SLC4A1AP: variants seen among roughly 807,000 people sequenced by gnomAD.
SLC4A1AP encodes the protein solute carrier family 4 member 1 adaptor protein, also known as kanadaptin.
In SLC4A1AP, 64 loss-of-function variants were observed where a neutral mutation model predicts 89.7. That is an observed-to-expected ratio of 0.71 (90% CI 0.58 to 0.88). The LOEUF is 0.88. SLC4A1AP is among the 40% of genes least tolerant of loss of function. The pLI, the probability that SLC4A1AP is intolerant of heterozygous loss-of-function variation, is 0.00. For synonymous variants in SLC4A1AP, 366 were observed against 353.3 expected (o/e 1.04, Z -0.40); for missense variants, 931 against 965.0 (o/e 0.96, Z 0.47).
chr2:27,680,247 G>T (rs1390064530), intron 8 of SLC4A1AP, among the ~76,000 whole-genome samples: 1 of 152,068 alleles, frequency 6.6e-6, no homozygotes, highest in Non-Finnish European at 1.5e-5. Flanking sequence ...CAACTGGGTG[G>T]CTGGGGGACA....
intron 8 of SLC4A1AP, among the ~76,000 whole-genome samples, chr2:27,678,573 A>G (rs946405030): frequency 6.6e-6 from 1 of 152,096 alleles, no homozygotes; most frequent in Non-Finnish European, 1.5e-5. Flanking sequence ...CCTCTGAATG[A>G]TAAGTAGACA....
chr2:27,682,172 G>T, intron 8 of SLC4A1AP, 76 bp from the exon 9 acceptor site: 1 of 888,178 alleles, frequency 1.1e-6, no homozygotes, highest in Non-Finnish European at 1.7e-6. Context: ...AGGTTTCTTT[G>T]TCAGTATCAT....
intron 13 of SLC4A1AP, 103 bp downstream of exon 13, chr2:27,693,857 T>C (rs779266304): frequency 8.7e-6 from 7 of 806,046 alleles, no homozygotes; most frequent in Non-Finnish European, 1.3e-5. Flanking sequence ...CAAGAGTATG[T>C]AGTGATAATT....
exon 1 of SLC4A1AP, chr2:27,664,223 T>G (rs1022016085): frequency 6.2e-7 from 1 of 1,613,904 alleles, no homozygotes; most frequent in Non-Finnish European, 8.5e-7. Flanking sequence ...ACCAAGAGCC[T>G]CCATGGGGTG....
exon 9 of SLC4A1AP, chr2:27,682,293 T>G: frequency 6.2e-7 from 1 of 1,613,886 alleles, no homozygotes; most frequent in Non-Finnish European, 8.5e-7. Flanking sequence ...CTAAAAAGCT[T>G]ACATTGCCTC....
chr2:27,671,075 T>G (rs1374475196), intron 5 of SLC4A1AP, among the ~76,000 whole-genome samples: 5 of 151,438 alleles, frequency 3.3e-5, no homozygotes, highest in Non-Finnish European at 7.4e-5. Flanking sequence ...AGGTGCGTGC[T>G]CCACACCCAG....
At chr2:27,677,629 A>G (rs1675545274) in intron 7 of SLC4A1AP, 109 bp from the exon 8 acceptor site, 1 of 867,528 alleles carries the variant, frequency 1.2e-6, no homozygotes. Flanking sequence ...ATTACTAGTG[A>G]TGTCCTCTGT....
Position 27,682,369 on chromosome 2 carries a change from G to T in SLC4A1AP, c.1875+10G>T. 1 of 1,546,788 alleles carries T rather than the reference G, an allele frequency of 6.5e-7. No individual in the cohort carries two copies. The highest frequency in any genetic ancestry group is 8.9e-7 in the Non-Finnish European group (1 of 1,123,390). On this transcript the variant is annotated intron_variant, in intron 9 of 13. Transcript: ENST00000613058. ...AACTGGAACAGTAGGGGTAAGTTGT[G>T]AGTCAGGGTGTTAAACTTTTAGCCC...
At chr2:27,669,260 C>A in exon 5 of SLC4A1AP, 1 of 1,610,558 alleles carries the variant, frequency 6.2e-7, no homozygotes. Flanking sequence ...TACCTGTGGA[C>A]GATTCAACTG....
chr2:27,665,870 A>G (rs1451172820), intron 2 of SLC4A1AP, among the ~76,000 whole-genome samples: 2 of 152,344 alleles, frequency 1.3e-5, no homozygotes, highest in East Asian at 3.9e-4. Flanking sequence ...GATAGGAAAA[A>G]TTATGAAATT....
At chr2:27,694,510 A>T in intron 13 of SLC4A1AP, 124 bp from the exon 14 acceptor site, 1 of 574,062 alleles carries the variant, frequency 1.7e-6, no homozygotes, top group Non-Finnish European at 2.8e-6. Context: ...AAAAAGTAAA[A>T]TTTCTACCGT....
At chr2:27,677,981 T>A in intron 8 of SLC4A1AP, 57 bp downstream of exon 8, 3 of 1,137,690 alleles carry the variant, frequency 2.6e-6, no homozygotes, top group Non-Finnish European at 3.7e-6. Context: ...GATAACATTT[T>A]CAATTATCGC....
chr2:27,675,096 A>G (rs1284395935), intron 5 of SLC4A1AP, among the ~76,000 whole-genome samples: 1 of 152,238 alleles, frequency 6.6e-6, no homozygotes, highest in Non-Finnish European at 1.5e-5. Flanking sequence ...ACATAACAGA[A>G]AAGTGTACCA....
exon 8 of SLC4A1AP, chr2:27,677,901 A>G (rs1240872186): frequency 1.2e-6 from 2 of 1,603,902 alleles, no homozygotes; most frequent in South Asian, 1.1e-5. Flanking sequence ...TTGTAAAGCC[A>G]GCAGAGATTC....
intron 9 of SLC4A1AP, among the ~76,000 whole-genome samples, chr2:27,683,489 C>T (rs1260006408): frequency 3.9e-5 from 6 of 152,116 alleles, no homozygotes; most frequent in Non-Finnish European, 5.9e-5. Flanking sequence ...ATGGCCATCC[C>T]TCTGTGCACT....
At chr2:27,669,139 A>G (rs1675380469) in intron 4 of SLC4A1AP, 109 bp from the exon 5 acceptor site, 4 of 1,232,750 alleles carry the variant, frequency 3.2e-6, no homozygotes, top group Non-Finnish European at 4.5e-6. Context: ...ATGGATTCAA[A>G]GACTGAAAGG....
At chr2:27,665,334 A>G (rs372407481) in intron 2 of SLC4A1AP, 39 bp downstream of exon 2, 1 of 1,531,330 alleles carries the variant, frequency 6.5e-7, no homozygotes, top group Non-Finnish European at 8.8e-7. Flanking sequence ...TAATATTTTA[A>G]GTTCATTACA....
intron 10 of SLC4A1AP, among the ~76,000 whole-genome samples, chr2:27,685,870 C>CTA (rs1444463381): frequency 6.6e-6 from 1 of 151,852 alleles, no homozygotes; most frequent in African/African-American, 2.4e-5. Flanking sequence ...TCTGTATTTT[C>CTA]TATATATATA....
chr2:27,677,357 A>G (rs775334227), exon 7 of SLC4A1AP: 2 of 1,611,120 alleles, frequency 1.2e-6, no homozygotes, highest in Non-Finnish European at 1.7e-6. Flanking sequence ...TGAAAGCCTC[A>G]AGCCAAGGTA....
Sources: allele counts gnomAD v4.1 joint callset (sites outside exome capture counted in the v4.1 genomes callset), GRCh38; gene constraint gnomAD v4.1.1; transcripts MANE v1.5; gene names NCBI Gene and HGNC (gene_info 2026-07-23, HGNC 2026-07-21).